CAMKK2: variants seen among roughly 807,000 people sequenced by gnomAD.
CAMKK2 encodes the protein calcium/calmodulin dependent protein kinase kinase 2.
In CAMKK2, 30 loss-of-function variants were observed where a neutral mutation model predicts 67.2. The observed-to-expected ratio is 0.45, with a 90% CI of 0.33 to 0.61. CAMKK2 has a LOEUF of 0.61. Among genes scored for constraint, CAMKK2 ranks in the 20% least tolerant of loss-of-function variants. CAMKK2 has a pLI of 0.02. For synonymous variants in CAMKK2, 322 were observed against 326.2 expected (o/e 0.99, Z 0.14); for missense variants, 643 against 802.0 (o/e 0.80, Z 2.39).
In CAMKK2 at chr12:121,253,564, G is replaced by A. The variant is rs1405081359; in HGVS notation, c.908-92C>T. The A allele has an allele frequency of 3.7e-6, 4 of 1,069,150 alleles. No homozygotes were observed. The highest frequency in any genetic ancestry group is 5.7e-6 in the Non-Finnish European group (4 of 696,282). The allele number at this position is 1,069,150 out of a possible 1,614,324, so 66.2% of individuals were successfully genotyped here. ...CACATGGCCTGGAGACACAGGCATGGCACCCCTCTGATGCCTTGTCTCCCA... is the reference window on the plus strand; with the variant it reads ...CACATGGCCTGGAGACACAGGCATGACACCCCTCTGATGCCTTGTCTCCCA... On this transcript the variant is annotated intron_variant, in intron 9 of 16. Transcript: ENST00000404169. The surrounding 1 kb of genome is among the most constrained non-coding windows in gnomAD (Gnocchi z 5.0).
At chr12:121,244,077 G>A in intron 16 of CAMKK2, 2 of 1,608,938 alleles carry the variant, frequency 1.2e-6, no homozygotes, top group Non-Finnish European at 1.7e-6. Flanking sequence ...ACTCGGGTGA[G>A]GGAACTCTTA....
At chr12:121,295,567 G>C (rs1347885451) in intron 1 of CAMKK2, among the ~76,000 whole-genome samples, 1 of 152,186 alleles carries the variant, frequency 6.6e-6, no homozygotes, top group Admixed American at 6.5e-5. Context: ...AGCTAGGGGA[G>C]GGGGAGTGGT....
upstream of CAMKK2, chr12:121,296,843 C>T (rs1439342984): frequency 6.7e-6 from 1 of 149,432 alleles, no homozygotes; most frequent in Non-Finnish European, 1.5e-5. The surrounding 1 kb of genome is among the most constrained non-coding windows in gnomAD (Gnocchi z 7.1). Context: ...GGCGGGAAAC[C>T]CGAAAGCGGA....
chr12:121,245,141 T>G lies in CAMKK2; in HGVS notation c.1552A>C (p.Thr518Pro), dbSNP rs1889178253. The change falls in exon 15 of 17, where the codon ACC becomes CCC. Residue 518 changes from threonine to proline, a missense_variant and splice_region_variant. This residue lies in a region of CAMKK2 where 140 missense variants were observed against 124.2 expected (regional missense o/e 1.13). Coordinates refer to ENST00000404169, the MANE Select transcript of CAMKK2 (RefSeq NM_001270485.2). This position sits in a 1 kb window ranked among gnomAD's most constrained non-coding sequence, Gnocchi z 5.8. ...RSLSAPGNLL[T>P]KKPTRECESL... ...CCAAGAAGGCAGGCGGCCACTCACG[T>G]GAGCAAGTTTCCAGGCGCTGACAGT... is the stretch of plus-strand genomic sequence containing the variant. The G allele has an allele frequency of 2.5e-6, 4 of 1,594,066 alleles. No individual in the cohort carries two copies. The African/African-American group carries it at 4.0e-5, about 16-fold the overall frequency.
intron 7 of CAMKK2, among the ~76,000 whole-genome samples, chr12:121,257,918 T>C (rs187739581): frequency 4.4e-4 from 67 of 152,226 alleles, no homozygotes; most frequent in African/African-American, 1.5e-3. Flanking sequence ...GAGGGTGGCC[T>C]GTTGAAACAG....
intron 5 of CAMKK2, 117 bp from the exon 6 acceptor site, chr12:121,264,056 G>A: frequency 1.0e-6 from 1 of 990,170 alleles, no homozygotes; most frequent in Non-Finnish European, 1.4e-6. Flanking sequence ...CAGGGCTGGA[G>A]TGGCTGCTGC....
chr12:121,240,618 G>A lies in CAMKK2; in HGVS notation c.*81C>T. ...TCTACACACGTGCTGGGTTTCCGTA[G>A]GACATGCTGCTATGGAAACGCGGTG... On this transcript the variant is annotated 3_prime_UTR_variant, in exon 17 of 17. Transcript: ENST00000404169. This position sits in a 1 kb window ranked among gnomAD's most constrained non-coding sequence, Gnocchi z 4.4. 6.5e-7 allele frequency: 1 copy of A among 1,534,208 alleles called. No individual in the cohort carries two copies. The highest frequency in any genetic ancestry group is 8.7e-7 in the Non-Finnish European group (1 of 1,146,532).
intron 13 of CAMKK2, among the ~76,000 whole-genome samples, chr12:121,249,428 C>T (rs1383430155): frequency 1.3e-5 from 2 of 152,200 alleles, no homozygotes; most frequent in Non-Finnish European, 2.9e-5. Flanking sequence ...TTCCTCCCAT[C>T]CTCACTGCAG....
At chr12:121,273,956 A>C in intron 2 of CAMKK2, 100 bp downstream of exon 2, 1 of 971,532 alleles carries the variant, frequency 1.0e-6, no homozygotes, top group South Asian at 2.0e-5. Flanking sequence ...CGTGGCACTC[A>C]GATCCTTCTG....
Position 121,240,417 on chromosome 12 carries a change from T to C in CAMKK2, c.*282A>G, listed in dbSNP as rs1192606203. The C allele has an allele frequency of 1.3e-5, 19 of 1,517,856 alleles. No individual in the cohort carries two copies. Among genetic ancestry groups the C allele is most frequent in the Non-Finnish European group, 2.6e-6 (3 of 1,139,866 alleles). The allele number at this position is 1,517,856 out of a possible 1,614,324, so 94.0% of individuals were successfully genotyped here. A position where few individuals can be genotyped will look rare whatever the true frequency, so the allele number is the denominator to read the frequency against. The stretch of plus-strand genomic sequence containing the variant: ...ATGAAGGATTTTTGGCATAAAAACG[T>C]TTTAAAAAGCAATTGTCCCAAAATG... On this transcript the variant is annotated 3_prime_UTR_variant, in exon 17 of 17. Transcript: ENST00000404169. The surrounding 1 kb of genome is among the most constrained non-coding windows in gnomAD (Gnocchi z 4.4).
intron 13 of CAMKK2, 114 bp downstream of exon 13, chr12:121,249,673 G>T: frequency 1.1e-6 from 1 of 890,908 alleles, no homozygotes; most frequent in South Asian, 1.4e-5. Context: ...GGGCATAGGA[G>T]AACAGCGGTG....
intron 1 of CAMKK2, among the ~76,000 whole-genome samples, chr12:121,276,861 G>C (rs1310932887): frequency 2.3e-5 from 3 of 129,628 alleles, no homozygotes; most frequent in Non-Finnish European, 4.7e-5. Context: ...ACACCAGCCT[G>C]CCAACAGAGG....
rs201470961 is a variant in CAMKK2 at position 121,245,171 on chromosome 12, G to A, written c.1522C>T (p.Arg508Cys). Residue 508 changes from arginine to cysteine, a missense_variant, in exon 15 of 17, where the codon CGC becomes TGC. Arg to Cys is a radical substitution (Grantham distance 180, BLOSUM62 -3). Coordinates refer to ENST00000404169, the MANE Select transcript of CAMKK2 (RefSeq NM_001270485.2). The surrounding 1 kb of genome is among the most constrained non-coding windows in gnomAD (Gnocchi z 5.8). ...NPFEGSRREERSLSAPGNLLT... is the reference protein window; with the variant it reads ...NPFEGSRREECSLSAPGNLLT... The stretch of plus-strand genomic sequence containing the variant: ...AAGTTTCCAGGCGCTGACAGTGAGC[G>A]TTCCTCCCGCCGGCTGCCCTCGAAT... 8.0e-5 allele frequency: 129 copies of A among 1,606,928 alleles called. 1 individual carries two copies. In the East Asian group the frequency reaches 8.5e-4, roughly 11 times the overall value.
intron 1 of CAMKK2, among the ~76,000 whole-genome samples, chr12:121,277,894 G>A (rs1593451633): frequency 6.6e-6 from 1 of 152,200 alleles, no homozygotes; most frequent in Non-Finnish European, 1.5e-5. Flanking sequence ...TTGAACCCGG[G>A]AGGCACAGGT....
At chr12:121,278,217 T>C (rs565943799) in intron 1 of CAMKK2, among the ~76,000 whole-genome samples, 20 of 152,284 alleles carry the variant, frequency 1.3e-4, no homozygotes, top group South Asian at 1.0e-3. Context: ...GTTTGATATT[T>C]CTCTATGGCC....
At position 121,244,604 on chromosome 12, in the gene CAMKK2, G is replaced by T; in HGVS notation, c.1565C>A (p.Thr522Asn). The T allele has an allele frequency of 1.3e-6, 2 of 1,565,148 alleles. No homozygotes were observed. Among genetic ancestry groups the T allele is most frequent in the Non-Finnish European group, 1.7e-6 (2 of 1,154,394 alleles). Residue 522 changes from threonine (T) to asparagine (N), a missense_variant, in exon 16 of 17, where the codon ACC (threonine) becomes AAC (asparagine). By Grantham distance (65) the Thr-to-Asn change is moderately conservative. Around this residue, in one of 3 missense-constraint regions of CAMKK2, gnomAD observed 140 missense variants for 124.2 expected, o/e 1.13. Coordinates refer to ENST00000404169, the MANE Select transcript of CAMKK2 (RefSeq NM_001270485.2). ...APGNLLTKKPTRECESLSELK... is the reference protein window; with the variant it reads ...APGNLLTKKPNRECESLSELK... ...CTCAGACAGGGACTCACATTCCCTG[G>T]TTGGTTTTTTGCTGGAATCACCAGA...
chr12:121,244,576 G>T lies in CAMKK2; in HGVS notation c.1593C>A (p.Leu531=), dbSNP rs1363246333. The change falls in exon 16 of 17, where the codon CTC becomes CTA. Residue 531 remains leucine, a synonymous_variant. Coordinates refer to ENST00000404169, the MANE Select transcript of CAMKK2 (RefSeq NM_001270485.2). ...PTRECESLSE[L]KEARQRRQPP... ...GGCACAGGCAGGCGGGCGTTACCTT[G>T]AGCTCAGACAGGGACTCACATTCCC... The T allele has an allele frequency of 6.4e-7, 1 of 1,560,584 alleles. No individual in the cohort carries two copies. The highest frequency in any genetic ancestry group is 8.7e-7 in the Non-Finnish European group (1 of 1,152,162).
chr12:121,292,754 G>C lies in CAMKK2; in HGVS notation c.-60+3884C>G, dbSNP rs146824968. Among the ~76,000 whole-genome samples the C allele has an allele frequency of 9.8e-3, 1,493 of 152,240 alleles. 30 individuals carry two copies. The highest frequency in any genetic ancestry group is 0.034 in the African/African-American group (1,398 of 41,540). On this transcript the variant is annotated intron_variant, in intron 1 of 16. Coordinates refer to ENST00000404169, the MANE Select transcript of CAMKK2 (RefSeq NM_001270485.2). ...AGCCTGAGCCTAGAGGATCACTTGA[G>C]TCCAGGAGTTCGAGACCAGCCTGGG...
Position 121,285,281 on chromosome 12 carries a change from T to C in CAMKK2, c.-59-10696A>G, listed in dbSNP as rs1157712876. On this transcript the variant is annotated intron_variant, in intron 1 of 16. Coordinates refer to ENST00000404169, the MANE Select transcript of CAMKK2 (RefSeq NM_001270485.2). The surrounding 1 kb of genome is among the most constrained non-coding windows in gnomAD (Gnocchi z 4.1). ...ACTTTGGGAGGCCAAGGCGGACAGA[T>C]CACTTGAGGCCAGGAGTTCGAGACC... Among the ~76,000 whole-genome samples, 22 of 152,180 alleles carry C rather than the reference T, an allele frequency of 1.4e-4. No homozygotes were observed. The highest frequency in any genetic ancestry group is 1.4e-3 in the Admixed American group (22 of 15,272).
Sources: allele counts gnomAD v4.1 joint callset (sites outside exome capture counted in the v4.1 genomes callset), GRCh38; gene constraint gnomAD v4.1.1; regional missense constraint gnomAD v4.1.1; non-coding constraint Gnocchi (gnomAD v3.1); transcripts MANE v1.5; gene names NCBI Gene and HGNC (gene_info 2026-07-23, HGNC 2026-07-21).